Variants in EPGN observed in about 807,000 individuals in gnomAD.
EPGN encodes epithelial mitogen.
EPGN carries 21 observed loss-of-function variants against 20.7 expected under a neutral mutation model. That is an observed-to-expected ratio of 1.01 (90% CI 0.72 to 1.46). The LOEUF is 1.46. Among genes scored for constraint, EPGN ranks in the 40% most tolerant of loss-of-function variants. The pLI, the probability that EPGN is intolerant of heterozygous loss-of-function variation, is 0.00. For synonymous variants in EPGN, 69 were observed against 63.8 expected (o/e 1.08, Z -0.39); for missense variants, 199 against 180.7 (o/e 1.10, Z -0.58).
At chr4:74,312,057 A>C in intron 2 of EPGN, 128 bp from the exon 3 acceptor site, 1 of 1,003,664 alleles carries the variant, frequency 1.0e-6, no homozygotes, top group African/African-American at 1.6e-5. Context: ...AAGAGAATCA[A>C]TAGTTTAAAG....
In EPGN at chr4:74,315,812, C is replaced by T. The variant is rs1402330217; in HGVS notation, c.*1175C>T. On this transcript the variant is annotated 3_prime_UTR_variant, in exon 5 of 5. Transcript: ENST00000413830. ...ACTAAAAATACAAAAATTAGCTGGG[C>T]GTGGTGGTGCATGCCTGTAATCCCA... Among the ~76,000 whole-genome samples, 2 of 151,764 alleles carry T rather than the reference C, an allele frequency of 1.3e-5. No homozygotes were observed. The highest frequency in any genetic ancestry group is 2.9e-5 in the Non-Finnish European group (2 of 67,948).
At chr4:74,309,811 C>T (rs1458873287) in intron 2 of EPGN, among the ~76,000 whole-genome samples, 1 of 152,174 alleles carries the variant, frequency 6.6e-6, no homozygotes, top group African/African-American at 2.4e-5. Flanking sequence ...AGAGGTGAAA[C>T]TTGGAAAGCT....
In EPGN at chr4:74,312,934, TA is replaced by T. The variant is rs1751053182; in HGVS notation, c.255-83del. 2.6e-6 allele frequency: 3 copies of T among 1,155,142 alleles called. No individual in the cohort carries two copies. In the Admixed American group the frequency reaches 8.7e-5, roughly 34 times the overall value. The allele number at this position is 1,155,142 out of a possible 1,614,324, so 71.6% of individuals were successfully genotyped here. ...TTAATTTAAATTCCTTATTTCCATTTATTTTTTTAAATTTATTGAAACAGGT... is the reference window on the plus strand; with the variant it reads ...TTAATTTAAATTCCTTATTTCCATTTTTTTTTTAAATTTATTGAAACAGGT... On this transcript the variant is annotated intron_variant, in intron 3 of 4. Transcript: ENST00000413830.
rs1751256974 is a variant in EPGN at position 74,316,041 on chromosome 4, T to A, written c.*1404T>A. ...GTCATATGCAGGTCGCTTAATTTAT[T>A]TGTGCTTTTGTTTCATCTTCTACAA... On this transcript the variant is annotated 3_prime_UTR_variant, in exon 5 of 5. Coordinates refer to ENST00000413830, the MANE Select transcript of EPGN (RefSeq NM_001270989.2). 6.6e-6 allele frequency among the ~76,000 whole-genome samples: 1 copy of A among 152,134 alleles called. No homozygotes were observed. The highest frequency in any genetic ancestry group is 1.5e-5 in the Non-Finnish European group (1 of 68,018).
chr4:74,314,479 T>A (rs1379902894), intron 4 of EPGN, 101 bp from the exon 5 acceptor site: 1 of 1,160,358 alleles, frequency 8.6e-7, no homozygotes, highest in Non-Finnish European at 1.2e-6. Context: ...GGGATCTGGG[T>A]GGGACACCAA....
At chr4:74,312,411 T>C in intron 3 of EPGN, 106 bp downstream of exon 3, 1 of 1,320,838 alleles carries the variant, frequency 7.6e-7, no homozygotes, top group Admixed American at 2.6e-5. Context: ...TTTAAAAGGG[T>C]GCATAATCTG....
intron 4 of EPGN, 55 bp from the exon 5 acceptor site, chr4:74,314,525 A>G (rs1751170969): frequency 6.6e-7 from 1 of 1,509,982 alleles, no homozygotes; most frequent in African/African-American, 1.4e-5. Flanking sequence ...TGTAAGCTTC[A>G]ATGACCTATA....
At chr4:74,312,981 T>A (rs887002966) in intron 3 of EPGN, 37 bp from the exon 4 acceptor site, 34 of 1,483,938 alleles carry the variant, frequency 2.3e-5, no homozygotes, top group Non-Finnish European at 3.1e-5. Flanking sequence ...TCTACCACCG[T>A]AGGTTTTAAA....
At chr4:74,313,847 A>G (rs1442461143) in intron 4 of EPGN, among the ~76,000 whole-genome samples, 1 of 152,224 alleles carries the variant, frequency 6.6e-6, no homozygotes, top group African/African-American at 2.4e-5. Flanking sequence ...CTGTACTCTA[A>G]TAAGTTGTCA....
At chr4:74,314,455 A>G in intron 4 of EPGN, 125 bp from the exon 5 acceptor site, 6 of 901,646 alleles carry the variant, frequency 6.7e-6, no homozygotes, top group Non-Finnish European at 1.0e-5. Flanking sequence ...GGATGGGTTG[A>G]CCAATGGGTA....
chr4:74,309,905 G>T (rs1164080793), intron 2 of EPGN, among the ~76,000 whole-genome samples: 1 of 152,122 alleles, frequency 6.6e-6, no homozygotes, highest in African/African-American at 2.4e-5. Context: ...CTGGCAATTT[G>T]ATTTAGGACA....
chr4:74,315,424 T>C lies in EPGN; in HGVS notation c.*787T>C, dbSNP rs1156331042. ...CCCTAATGCTTTTGTTCATCACTTC[T>C]TCCAGTTATCAGTGGAATTACCTGG... On this transcript the variant is annotated 3_prime_UTR_variant, in exon 5 of 5. Transcript: ENST00000413830. The C allele has an allele frequency of 6.6e-6, 1 of 152,226 alleles. No homozygotes were observed. Among genetic ancestry groups the C allele is most frequent in the African/African-American group, 2.4e-5 (1 of 41,460 alleles). 9.4% of individuals were successfully genotyped at this position (152,226 alleles called of 1,614,324 possible).
At chr4:74,314,415 A>G (rs16850903) in intron 4 of EPGN, 165 bp from the exon 5 acceptor site, 36,373 of 660,318 alleles carry the variant, frequency 0.055, 4,470 homozygotes, top group African/African-American at 0.38. Flanking sequence ...GACTGCTGCC[A>G]TGAGCCTGTT....
At chr4:74,308,629 A>G (rs994508563) in intron 1 of EPGN, 53 bp downstream of exon 1, 3 of 1,486,180 alleles carry the variant, frequency 2.0e-6, no homozygotes, top group Middle Eastern at 1.8e-4. Flanking sequence ...AAATGTGAAT[A>G]GAATTTATTT....
intron 2 of EPGN, among the ~76,000 whole-genome samples, chr4:74,309,970 C>T (rs1274597953): frequency 6.6e-6 from 1 of 152,132 alleles, no homozygotes; most frequent in Non-Finnish European, 1.5e-5. Flanking sequence ...ATTGTCATAT[C>T]TCAGTGTTCT....
At position 74,316,199 on chromosome 4, in the gene EPGN, C is replaced by T. The variant is rs776797097; in HGVS notation, c.*1562C>T. 2.0e-5 allele frequency among the ~76,000 whole-genome samples: 3 copies of T among 151,886 alleles called. No individual in the cohort carries two copies. The highest frequency in any genetic ancestry group is 6.6e-5 in the Admixed American group (1 of 15,244). The stretch of plus-strand genomic sequence containing the variant: ...ACCTCTAACCCTGAAACACACTACT[C>T]GATATTATCTTAGGTATGTTTTAGG... On this transcript the variant is annotated 3_prime_UTR_variant, in exon 5 of 5. Coordinates refer to ENST00000413830, the MANE Select transcript of EPGN (RefSeq NM_001270989.2).
intron 2 of EPGN, among the ~76,000 whole-genome samples, chr4:74,309,492 G>A (rs1750752341): frequency 6.6e-6 from 1 of 152,124 alleles, no homozygotes; most frequent in Non-Finnish European, 1.5e-5. Flanking sequence ...TACAGAGACA[G>A]TTTGTCCCCA....
chr4:74,311,410 T>G (rs906218512), intron 2 of EPGN, among the ~76,000 whole-genome samples: 3 of 152,162 alleles, frequency 2.0e-5, no homozygotes, highest in Non-Finnish European at 4.4e-5. Flanking sequence ...AATCTTAACA[T>G]CTAAAGATTT....
intron 2 of EPGN, among the ~76,000 whole-genome samples, chr4:74,311,008 C>T (rs1169185587): frequency 1.3e-5 from 2 of 151,802 alleles, no homozygotes; most frequent in African/African-American, 4.8e-5. Context: ...CTGTATTTTT[C>T]CTTTGCTTTC....
Sources: gnomAD v4.1 joint callset for allele counts (sites outside exome capture counted in the v4.1 genomes callset) on GRCh38, gnomAD v4.1.1 for gene constraint, MANE v1.5 for transcripts, NCBI Gene and HGNC (gene_info 2026-07-23, HGNC 2026-07-21) for gene names.